GPC6: variants seen among roughly 807,000 people sequenced by gnomAD.
GPC6 encodes glypican 6, also known as glypican-6.
Under a neutral mutation model 55.2 loss-of-function variants are expected in GPC6, and 14 were observed. That is an observed-to-expected ratio of 0.25 (90% CI 0.17 to 0.40). The LOEUF (loss-of-function observed/expected upper bound fraction) is 0.40. Among genes scored for constraint, GPC6 ranks in the 10% least tolerant of loss-of-function variants. The pLI is 1.00. For missense variants in GPC6, 641 were observed against 708.5 expected (o/e 0.90, Z 1.08); for synonymous variants, 278 against 259.6 (o/e 1.07, Z -0.68).
chr13:93,948,281 G>A (rs1879104681), intron 3 of GPC6, among the ~76,000 whole-genome samples: 3 of 152,128 alleles, frequency 2.0e-5, no homozygotes, highest in Non-Finnish European at 1.5e-5. Context: ...TATTCATGTA[G>A]TATAAATTTC....
intron 4 of GPC6, among the ~76,000 whole-genome samples, chr13:94,052,123 T>C (rs77154143): frequency 0.14 from 21,805 of 152,128 alleles, 1,824 homozygotes; most frequent in South Asian, 0.27. Flanking sequence ...CAGGCTGTAG[T>C]CTGGCTACAT....
chr13:93,571,475 T>A lies in GPC6; in HGVS notation c.319+26054T>A, dbSNP rs77019848. 1.7e-4 allele frequency among the ~76,000 whole-genome samples: 26 copies of A among 152,260 alleles called. 1 individual carries two copies. The East Asian group carries it at 3.3e-3, about 19-fold the overall frequency. ...TTATCAGGAATTTGTTTTATATAAT[T>A]TTATGCCTCTTACAAATTTATAACT... is the stretch of plus-strand genomic sequence containing the variant. On this transcript the variant is annotated intron_variant, in intron 2 of 8. Coordinates refer to ENST00000377047, the MANE Select transcript of GPC6 (RefSeq NM_005708.5).
At chr13:93,316,662 C>T (rs1422158307) in intron 1 of GPC6, among the ~76,000 whole-genome samples, 2 of 152,028 alleles carry the variant, frequency 1.3e-5, no homozygotes, top group Non-Finnish European at 2.9e-5. Context: ...ATCTCTTTAG[C>T]CCTTATTACA....
chr13:93,276,109 C>A (rs1877726394), intron 1 of GPC6, among the ~76,000 whole-genome samples: 1 of 152,054 alleles, frequency 6.6e-6, no homozygotes, highest in African/African-American at 2.4e-5. Context: ...CTCCTGACCT[C>A]GTGATCCACT....
chr13:93,393,241 C>T (rs963776181), intron 1 of GPC6, among the ~76,000 whole-genome samples: 6 of 150,974 alleles, frequency 4.0e-5, no homozygotes, highest in Admixed American at 6.6e-5. Context: ...TGGGTTCAAG[C>T]GATTCTCCTG....
chr13:93,734,941 A>G (rs1475028187), intron 2 of GPC6, among the ~76,000 whole-genome samples: 1 of 152,154 alleles, frequency 6.6e-6, no homozygotes, highest in East Asian at 1.9e-4. Flanking sequence ...CTCCAATTCA[A>G]ATTACAAGGT....
At chr13:93,424,001 A>C (rs1022442712) in intron 1 of GPC6, among the ~76,000 whole-genome samples, 7 of 151,966 alleles carry the variant, frequency 4.6e-5, no homozygotes, top group Non-Finnish European at 8.8e-5. Context: ...AAGAGAGGAT[A>C]TTGTGTCTGG....
Position 93,733,774 on chromosome 13 carries a change from G to A in GPC6, c.320-96380G>A, listed in dbSNP as rs544170976. Reference sequence around the variant, plus strand: ...AGTAATGGCAGAAACACACGAGGACGATGCCCTGACTTAGAAACTCAGTTA... The same window carrying A: ...AGTAATGGCAGAAACACACGAGGACAATGCCCTGACTTAGAAACTCAGTTA... On this transcript the variant is annotated intron_variant, in intron 2 of 8. Transcript: ENST00000377047. 1.0e-3 allele frequency among the ~76,000 whole-genome samples: 154 copies of A among 152,274 alleles called. 1 individual carries two copies. The highest frequency in any genetic ancestry group is 3.4e-3 in the Middle Eastern group (1 of 294).
intron 4 of GPC6, among the ~76,000 whole-genome samples, chr13:94,285,334 T>C (rs954600697): frequency 5.9e-5 from 9 of 152,098 alleles, no homozygotes; most frequent in Admixed American, 2.0e-4. Context: ...TTATTGTGGT[T>C]GGGGGAGATG....
chr13:94,389,894 G>A (rs1880570063), intron 7 of GPC6, among the ~76,000 whole-genome samples: 1 of 152,210 alleles, frequency 6.6e-6, no homozygotes, highest in Admixed American at 6.5e-5. Context: ...CTTTCTGGGA[G>A]GAGGCTATCA....
intron 1 of GPC6, among the ~76,000 whole-genome samples, chr13:93,369,751 C>G (rs915667627): frequency 3.3e-5 from 5 of 151,982 alleles, no homozygotes; most frequent in Admixed American, 3.3e-4. Flanking sequence ...TGTCAGTACT[C>G]TATAAGGAGG....
intron 2 of GPC6, among the ~76,000 whole-genome samples, chr13:93,780,588 C>T (rs941888157): frequency 1.1e-4 from 14 of 123,422 alleles, no homozygotes; most frequent in Non-Finnish European, 2.2e-4. Context: ...TTCACGATCA[C>T]AAAAATACAC....
chr13:93,496,349 C>T (rs560734021), intron 1 of GPC6, among the ~76,000 whole-genome samples: 195 of 152,344 alleles, frequency 1.3e-3, no homozygotes, highest in African/African-American at 4.6e-3. Context: ...CCTTGCGCTT[C>T]CCAAGTGAGG....
At chr13:93,428,405 A>G (rs2139270698) in intron 1 of GPC6, among the ~76,000 whole-genome samples, 1 of 152,254 alleles carries the variant, frequency 6.6e-6, no homozygotes, top group East Asian at 1.9e-4. Flanking sequence ...CTGCTGTTAC[A>G]GTTTATCCAA....
chr13:94,334,387 GC>G (rs1208902591), intron 6 of GPC6, among the ~76,000 whole-genome samples: 3 of 152,198 alleles, frequency 2.0e-5, no homozygotes, highest in Non-Finnish European at 4.4e-5. Context: ...AAATACCAGT[GC>G]CCCCTGATTC....
chr13:94,403,645 C>A lies in GPC6; in HGVS notation c.*428C>A. ...GCTACATTTTCAACAAAAAAGCAAA[C>A]AGAGAAAAATAAATGAACTTTAACA... On this transcript the variant is annotated 3_prime_UTR_variant, in exon 9 of 9. Transcript: ENST00000377047. 4.4e-6 allele frequency: 1 copy of A among 229,384 alleles called. No homozygotes were observed. Among genetic ancestry groups the A allele is most frequent in the African/African-American group, 2.3e-5 (1 of 43,580 alleles). The allele number at this position is 229,384 out of a possible 1,614,324, so 14.2% of individuals were successfully genotyped here. A position where few individuals can be genotyped will look rare whatever the true frequency, so the allele number is the denominator to read the frequency against.
intron 3 of GPC6, among the ~76,000 whole-genome samples, chr13:93,868,740 G>C (rs548658224): frequency 6.6e-5 from 10 of 151,914 alleles, no homozygotes; most frequent in African/African-American, 2.4e-4. Flanking sequence ...GAGACGAGCA[G>C]ACACACCAAA....
At chr13:93,897,121 G>A (rs1594568393) in intron 3 of GPC6, among the ~76,000 whole-genome samples, 2 of 151,728 alleles carry the variant, frequency 1.3e-5, no homozygotes, top group East Asian at 3.9e-4. Context: ...AAAATAAAGT[G>A]GACCTCATGA....
Position 93,768,715 on chromosome 13 carries a change from G to T in GPC6, c.320-61439G>T, listed in dbSNP as rs145336885. Among the ~76,000 whole-genome samples, 556 of 152,236 alleles carry T rather than the reference G, an allele frequency of 3.7e-3. 2 individuals are homozygous for T. The highest frequency in any genetic ancestry group is 7.1e-3 in the Non-Finnish European group (482 of 68,016). ...GATCTTCGTACAGGAATTCATACAG[G>T]AATTTTTTTAAAGATAAATGCTGGC... is the stretch of plus-strand genomic sequence containing the variant. On this transcript the variant is annotated intron_variant, in intron 2 of 8. Transcript: ENST00000377047.
Sources: allele counts gnomAD v4.1 joint callset (sites outside exome capture counted in the v4.1 genomes callset), GRCh38; gene constraint gnomAD v4.1.1; transcripts MANE v1.5; gene names NCBI Gene and HGNC (gene_info 2026-07-23, HGNC 2026-07-21).